ARHGAP28: variants seen among roughly 807,000 people sequenced by gnomAD.
The protein encoded by ARHGAP28 is Rho GTPase activating protein 28.
ARHGAP28 carries 56 observed loss-of-function variants against 90.7 expected under a neutral mutation model. The observed-to-expected ratio is 0.62, with a 90% CI of 0.50 to 0.77. The LOEUF is 0.77. ARHGAP28 is among the 30% of genes least tolerant of loss of function. ARHGAP28 has a pLI of 0.00. For missense variants in ARHGAP28, 869 were observed against 900.9 expected, an observed-to-expected ratio of 0.96 and a Z score of 0.45; for synonymous variants, 308 against 323.3, an observed-to-expected ratio of 0.95 and a Z score of 0.51.
chr18:6,867,458 A>G (rs1033926514), intron 5 of ARHGAP28, among the ~76,000 whole-genome samples: 1 of 152,172 alleles, frequency 6.6e-6, no homozygotes, highest in Non-Finnish European at 1.5e-5. Context: ...TTGTTTTGAT[A>G]GGATTTGTGT....
intron 16 of ARHGAP28, among the ~76,000 whole-genome samples, chr18:6,904,955 C>T (rs7243781): frequency 0.51 from 77,468 of 151,762 alleles, 20,170 homozygotes; most frequent in Middle Eastern, 0.62. Context: ...CTCTCCAAGC[C>T]CAGATGGTTT....
intron 1 of ARHGAP28, among the ~76,000 whole-genome samples, chr18:6,747,078 T>C (rs1174550312): frequency 6.6e-6 from 1 of 151,756 alleles, no homozygotes; most frequent in African/African-American, 2.4e-5. Flanking sequence ...TTTCTTTTTT[T>C]TTTTTTTTTA....
intron 14 of ARHGAP28, among the ~76,000 whole-genome samples, chr18:6,891,315 C>A (rs1462887253): frequency 6.6e-6 from 1 of 151,098 alleles, no homozygotes. Context: ...ATTGGAGCTA[C>A]ATTTTTTTTT....
At chr18:6,839,351 T>C (rs768559203) in intron 3 of ARHGAP28, among the ~76,000 whole-genome samples, 4 of 149,002 alleles carry the variant, frequency 2.7e-5, no homozygotes, top group Non-Finnish European at 4.4e-5. Context: ...TGGAGTGCAG[T>C]GGCGCAATCT....
intron 1 of ARHGAP28, among the ~76,000 whole-genome samples, chr18:6,784,695 G>T (rs776535985): frequency 4.1e-4 from 63 of 152,304 alleles, no homozygotes; most frequent in Non-Finnish European, 7.1e-4. Flanking sequence ...ACATAACAAA[G>T]ATGGGAACAA....
chr18:6,868,312 A>C, intron 6 of ARHGAP28, 78 bp downstream of exon 6: 1 of 1,333,162 alleles, frequency 7.5e-7, no homozygotes, highest in South Asian at 1.2e-5. Flanking sequence ...TTAGCAGTGA[A>C]TTTCTAAAAG....
chr18:6,887,272 G>C (rs779401872), intron 12 of ARHGAP28, 33 bp downstream of exon 12: 1 of 1,595,076 alleles, frequency 6.3e-7, no homozygotes, highest in Admixed American at 1.7e-5. Context: ...CTTGTCCTGG[G>C]GCTCTTATTG....
Position 6,873,749 on chromosome 18 carries a change from G to A in ARHGAP28, c.1186G>A (p.Val396Met), listed in dbSNP as rs761880362. ...CGGTGACCGAAAGAAAGACCCTGGA[G>A]TGAAAGTTCCCCTGGTATTACAAAA... ...LDGDRKKDPGVKVPLVLQKFF... is the reference protein window; with the variant it reads ...LDGDRKKDPGMKVPLVLQKFF... Residue 396 changes from valine (V) to methionine (M), a missense_variant, in exon 9 of 18, where the codon GTG becomes ATG. Val to Met is a conservative substitution (Grantham distance 21). Transcript: ENST00000383472. 6.2e-7 allele frequency: 1 copy of A among 1,613,992 alleles called. No homozygotes were observed. The highest frequency in any genetic ancestry group is 1.1e-5 in the South Asian group (1 of 91,062).
rs2057412907 is a variant in ARHGAP28 at position 6,914,274 on chromosome 18, A to G, written c.*2120A>G. 6.6e-6 allele frequency: 1 copy of G among 152,166 alleles called. No individual in the cohort carries two copies. The highest frequency in any genetic ancestry group is 1.5e-5 in the Non-Finnish European group (1 of 68,028). 9.4% of individuals were successfully genotyped at this position (152,166 alleles called of 1,614,324 possible). On this transcript the variant is annotated 3_prime_UTR_variant, in exon 18 of 18. Transcript: ENST00000383472. ...AAAATACAAATTCTTGTCTACTTTC[A>G]TGTGGTTTTAAATGGCAGGGACTTC...
At chr18:6,837,023 T>G (rs1016485300) in intron 2 of ARHGAP28, among the ~76,000 whole-genome samples, 174 bp from the exon 3 acceptor site, 6 of 152,214 alleles carry the variant, frequency 3.9e-5, no homozygotes, top group South Asian at 2.1e-4. Flanking sequence ...CTTTAAAATT[T>G]GACTTATTTT....
At chr18:6,861,253 C>T (rs1244313565) in intron 5 of ARHGAP28, among the ~76,000 whole-genome samples, 1 of 152,172 alleles carries the variant, frequency 6.6e-6, no homozygotes, top group Non-Finnish European at 1.5e-5. Context: ...CCTCTTCATG[C>T]GCATCTCTGA....
chr18:6,765,664 T>C (rs1055582779), intron 1 of ARHGAP28, among the ~76,000 whole-genome samples: 1 of 152,162 alleles, frequency 6.6e-6, no homozygotes, highest in African/African-American at 2.4e-5. Flanking sequence ...TGACTTAATT[T>C]AATGCTCTTC....
intron 10 of ARHGAP28, among the ~76,000 whole-genome samples, chr18:6,878,331 T>A (rs2057149417): frequency 8.4e-6 from 1 of 118,520 alleles, no homozygotes; most frequent in African/African-American, 3.4e-5. Flanking sequence ...AACATCACAC[T>A]CTGGGGACTG....
intron 1 of ARHGAP28, among the ~76,000 whole-genome samples, chr18:6,787,343 A>G (rs756319073): frequency 6.6e-6 from 1 of 151,390 alleles, no homozygotes; most frequent in Non-Finnish European, 1.5e-5. Context: ...TTTAAGCTAC[A>G]TTGTTATTAT....
intron 14 of ARHGAP28, 29 bp from the exon 15 acceptor site, chr18:6,894,806 A>G: frequency 1.2e-6 from 2 of 1,607,478 alleles, no homozygotes; most frequent in Non-Finnish European, 1.7e-6. Flanking sequence ...TTTTCTCAAC[A>G]TTACTCCTAA....
At chr18:6,850,117 A>C (rs2056898215) in intron 3 of ARHGAP28, among the ~76,000 whole-genome samples, 1 of 152,208 alleles carries the variant, frequency 6.6e-6, no homozygotes, top group African/African-American at 2.4e-5. Context: ...TTTATAATTC[A>C]ACAATCATAC....
rs895254224 is a variant in ARHGAP28, at chr18:6,769,301, G to T, written c.122+39358G>T. On this transcript the variant is annotated intron_variant, in intron 1 of 17. Coordinates refer to ENST00000383472, the MANE Select transcript of ARHGAP28 (RefSeq NM_001366230.1). ...TTCCCAATCATCTTTCACACATAAGGAATATAAGTCAGGGACAACCTGTAC... is the reference window on the plus strand; with the variant it reads ...TTCCCAATCATCTTTCACACATAAGTAATATAAGTCAGGGACAACCTGTAC... 4.6e-5 allele frequency among the ~76,000 whole-genome samples: 7 copies of T among 152,170 alleles called. 2 individuals carry two copies.
At chr18:6,869,271 T>C (rs2057063433) in intron 6 of ARHGAP28, among the ~76,000 whole-genome samples, 1 of 146,410 alleles carries the variant, frequency 6.8e-6, no homozygotes, top group Admixed American at 6.9e-5. Context: ...TTTTTTTTTT[T>C]TTTTTTGAGA....
intron 1 of ARHGAP28, among the ~76,000 whole-genome samples, chr18:6,801,393 T>C (rs1244787418): frequency 6.6e-6 from 1 of 152,218 alleles, no homozygotes; most frequent in African/African-American, 2.4e-5. Context: ...ACCACATTGC[T>C]TTCTTACTAT....
Sources: allele counts gnomAD v4.1 joint callset (sites outside exome capture counted in the v4.1 genomes callset), GRCh38; gene constraint gnomAD v4.1.1; transcripts MANE v1.5; gene names NCBI Gene and HGNC (gene_info 2026-07-23, HGNC 2026-07-21).